Variants in DMRT1 observed in about 807,000 individuals in gnomAD.
DMRT1 encodes the protein doublesex- and mab-3-related transcription factor 1.
Under a neutral mutation model 32.3 loss-of-function variants are expected in DMRT1, and 7 were observed. The ratio of observed to expected loss-of-function variants is 0.22; its 90% CI spans 0.12 to 0.41. DMRT1 has a LOEUF of 0.41. DMRT1 is among the 10% of genes least tolerant of loss of function. The probability of loss-of-function intolerance (pLI) is 1.00; values close to 1 mark genes in which losing one functional copy is unlikely to be tolerated. For missense variants in DMRT1, 625 were observed against 500.5 expected (o/e 1.25, Z -2.37); for synonymous variants, 278 against 206.1 (o/e 1.35, Z -2.99).
chr9:924,467 G>T (rs1025972775), intron 4 of DMRT1, among the ~76,000 whole-genome samples: 4 of 152,190 alleles, frequency 2.6e-5, no homozygotes, highest in Non-Finnish European at 5.9e-5. Flanking sequence ...AAGGAATTAT[G>T]TAAAAGTATG....
intron 4 of DMRT1, among the ~76,000 whole-genome samples, chr9:949,085 T>G (rs1819344210): frequency 6.6e-6 from 1 of 151,682 alleles, no homozygotes; most frequent in African/African-American, 2.4e-5. Flanking sequence ...AGAGTGAGAC[T>G]CCATCTTAAA....
At chr9:928,463 C>G (rs77617218) in intron 4 of DMRT1, among the ~76,000 whole-genome samples, 8,797 of 152,288 alleles carry the variant, frequency 0.058, 345 homozygotes, top group South Asian at 0.15. Context: ...CCCAGCCATA[C>G]TCTCTGCCTC....
Position 954,654 on chromosome 9 carries a change from T to C in DMRT1, c.968-13331T>C, listed in dbSNP as rs181757746. ...TTGTTTGGGCTTTATTTTATTATTATTATTATTTTTTAGAGTCTTGCTCTG... is the reference window on the plus strand; with the variant it reads ...TTGTTTGGGCTTTATTTTATTATTACTATTATTTTTTAGAGTCTTGCTCTG... On this transcript the variant is annotated intron_variant, in intron 4 of 4. Transcript: ENST00000382276. 4.5e-3 allele frequency among the ~76,000 whole-genome samples: 680 copies of C among 152,192 alleles called. 8 individuals are homozygous for C. The highest frequency in any genetic ancestry group is 8.2e-3 in the Non-Finnish European group (555 of 68,008).
At chr9:892,717 C>G (rs1455694332) in intron 2 of DMRT1, among the ~76,000 whole-genome samples, 1 of 152,190 alleles carries the variant, frequency 6.6e-6, no homozygotes, top group Non-Finnish European at 1.5e-5. Context: ...CCTCCTTGCT[C>G]AGAACTCAGT....
chr9:863,105 A>T (rs1815794442), intron 2 of DMRT1, among the ~76,000 whole-genome samples: 1 of 135,846 alleles, frequency 7.4e-6, no homozygotes, highest in Non-Finnish European at 1.5e-5. Flanking sequence ...GCTTAAGCTC[A>T]GGAGTTTGGG....
intron 3 of DMRT1, among the ~76,000 whole-genome samples, chr9:898,722 G>T (rs942184555): frequency 6.6e-6 from 1 of 152,162 alleles, no homozygotes; most frequent in African/African-American, 2.4e-5. Flanking sequence ...TGTGAGGTTG[G>T]GTCTTCAACT....
At chr9:897,861 G>A (rs1309709259) in intron 3 of DMRT1, among the ~76,000 whole-genome samples, 2 of 152,090 alleles carry the variant, frequency 1.3e-5, no homozygotes, top group South Asian at 2.1e-4. Context: ...ACTGACATGC[G>A]AATATGGACC....
intron 4 of DMRT1, among the ~76,000 whole-genome samples, chr9:967,415 C>G (rs1819963602): frequency 6.6e-6 from 1 of 152,196 alleles, no homozygotes; most frequent in Non-Finnish European, 1.5e-5. Context: ...ATTTTTCTCT[C>G]CCATTTACTG....
intron 3 of DMRT1, among the ~76,000 whole-genome samples, chr9:908,819 C>A (rs1336330500): frequency 6.6e-6 from 1 of 152,048 alleles, no homozygotes; most frequent in East Asian, 1.9e-4. Flanking sequence ...CCTCTCCACT[C>A]CTCCCCCGTT....
intron 2 of DMRT1, among the ~76,000 whole-genome samples, chr9:882,660 G>A (rs566342224): frequency 2.0e-5 from 3 of 151,920 alleles, no homozygotes; most frequent in Admixed American, 6.6e-5. Context: ...CACCTTGAAG[G>A]CCTGTGTTTG....
At chr9:946,473 C>T (rs971665609) in intron 4 of DMRT1, among the ~76,000 whole-genome samples, 2 of 152,084 alleles carry the variant, frequency 1.3e-5, no homozygotes, top group African/African-American at 2.4e-5. Flanking sequence ...TTTCATCCAC[C>T]GTGGCTCTCT....
At chr9:862,482 G>C (rs7018843) in intron 2 of DMRT1, among the ~76,000 whole-genome samples, 42,131 of 148,212 alleles carry the variant, frequency 0.28, 6,394 homozygotes, top group East Asian at 0.45. Context: ...AGAGGGAGAC[G>C]GTGCAAAGGG....
intron 3 of DMRT1, among the ~76,000 whole-genome samples, chr9:902,711 A>G (rs148825627): frequency 6.6e-6 from 1 of 151,648 alleles, no homozygotes; most frequent in South Asian, 2.1e-4. Context: ...TTGGTCTCGA[A>G]CTCCTCACCT....
At chr9:915,634 C>T (rs72699298) in intron 3 of DMRT1, among the ~76,000 whole-genome samples, 2,399 of 152,196 alleles carry the variant, frequency 0.016, 42 homozygotes, top group Non-Finnish European at 0.023. Context: ...GAACAGACAC[C>T]GACTAACAGG....
chr9:888,688 C>T (rs921945787), intron 2 of DMRT1, among the ~76,000 whole-genome samples: 2 of 144,426 alleles, frequency 1.4e-5, no homozygotes, highest in African/African-American at 2.7e-5. Context: ...TTAGGAATAG[C>T]GTGTGGAGCA....
chr9:851,113 T>G (rs1340881017), intron 2 of DMRT1, among the ~76,000 whole-genome samples: 2 of 151,846 alleles, frequency 1.3e-5, no homozygotes, highest in Non-Finnish European at 1.5e-5. Flanking sequence ...TTGTAGGAGT[T>G]GTCATGGAAT....
chr9:870,173 G>A (rs1589476395), intron 2 of DMRT1, among the ~76,000 whole-genome samples: 1 of 152,300 alleles, frequency 6.6e-6, no homozygotes, highest in Non-Finnish European at 1.5e-5. Context: ...TGAGGCAGGT[G>A]GATCACCTGA....
chr9:932,615 T>G (rs375024066), intron 4 of DMRT1, among the ~76,000 whole-genome samples: 1 of 152,162 alleles, frequency 6.6e-6, no homozygotes, highest in Admixed American at 6.5e-5. Flanking sequence ...ACACTAACTT[T>G]CTGAAGTTGG....
At chr9:942,806 GT>G (rs1342371547) in intron 4 of DMRT1, among the ~76,000 whole-genome samples, 1 of 151,620 alleles carries the variant, frequency 6.6e-6, no homozygotes, top group Non-Finnish European at 1.5e-5. Context: ...ATTTATAGTT[GT>G]TTCTAAAGAG....
Sources: gnomAD v4.1 joint callset for allele counts (sites outside exome capture counted in the v4.1 genomes callset) on GRCh38, gnomAD v4.1.1 for gene constraint, MANE v1.5 for transcripts, NCBI Gene and HGNC (gene_info 2026-07-23, HGNC 2026-07-21) for gene names.